MRGPRX1: variants seen among roughly 807,000 people sequenced by gnomAD.
MRGPRX1 encodes mas-related G protein-coupled receptor member X1.
For synonymous variants in MRGPRX1, 208 were observed against 170.4 expected, an observed-to-expected ratio of 1.22 and a Z score of -1.72; for missense variants, 411 against 393.8, an observed-to-expected ratio of 1.04 and a Z score of -0.37.
intron 1 of MRGPRX1, 46 bp downstream of exon 1, chr11:18,939,234 C>CA (rs2133263679): frequency 6.6e-6 from 1 of 151,788 alleles, no homozygotes. Flanking sequence ...GATCTTATAG[C>CA]AAAAACCATG....
At chr11:18,934,998 G>A in intron 1 of MRGPRX1, 189 bp from the exon 2 acceptor site, 2 of 590,456 alleles carry the variant, frequency 3.4e-6, no homozygotes, top group Non-Finnish European at 5.7e-6. Flanking sequence ...TCTGAAGCCT[G>A]ACCTCTCTCT....
At position 18,936,900 on chromosome 11, in the gene MRGPRX1, A is replaced by G. The variant is rs1157156022; in HGVS notation, c.-25-2091T>C. Among the ~76,000 whole-genome samples, 13 of 151,468 alleles carry G rather than the reference A, an allele frequency of 8.6e-5. 1 individual carries two copies. In the Admixed American group the frequency reaches 8.6e-4, roughly 10 times the overall value. On this transcript the variant is annotated intron_variant, in intron 1 of 1. Transcript: ENST00000526914. ...CCCCTGGTCCCTGGAGCCCTGCATG[A>G]GACTTCTGTATGGTTCTCTGCCGCA... is the stretch of plus-strand genomic sequence containing the variant.
Position 18,933,939 on chromosome 11 carries a change from T to C in MRGPRX1, c.846A>G (p.Gln282=), listed in dbSNP as rs755735905. The change falls in exon 2 of 2, where the codon CAA becomes CAG. Residue 282 remains glutamine, a synonymous_variant. Coordinates refer to ENST00000526914, the MANE Select transcript of MRGPRX1 (RefSeq NM_001393578.1). Reference sequence around the variant, plus strand: ...GAACCAGCTTCAGGTTCTGCCTATTTTGACGCTGCCTAAAGGAGCCCACGA... The same window carrying C: ...GAACCAGCTTCAGGTTCTGCCTATTCTGACGCTGCCTAAAGGAGCCCACGA... The part of the protein sequence containing the change: ...YFFVGSFRQR[Q]NRQNLKLVLQ... The C allele has an allele frequency of 8.1e-5, 131 of 1,610,936 alleles. 6 individuals are homozygous for C. The highest frequency in any genetic ancestry group is 2.1e-4 in the African/African-American group (16 of 74,828).
intron 1 of MRGPRX1, among the ~76,000 whole-genome samples, chr11:18,936,641 A>G (rs781457461): frequency 6.6e-6 from 1 of 151,356 alleles, no homozygotes; most frequent in Non-Finnish European, 1.5e-5. Context: ...AGGGCACTAA[A>G]CACATTGTCC....
intron 1 of MRGPRX1, among the ~76,000 whole-genome samples, chr11:18,937,428 A>C (rs1734652593): frequency 6.6e-6 from 1 of 151,446 alleles, no homozygotes; most frequent in South Asian, 2.1e-4. Flanking sequence ...GCACACACCA[A>C]AATCTGCAGA....
rs765221579 is a variant in MRGPRX1 at position 18,933,850 on chromosome 11, A to C, written c.935T>G (p.Ile312Ser). Residue 312 changes from isoleucine (I) to serine (S), a missense_variant, in exon 2 of 2, where the codon ATC (isoleucine) becomes AGC (serine). Physicochemically the swap from Ile to Ser is moderately radical, Grantham distance 142 (BLOSUM62 -2). Coordinates refer to ENST00000526914, the MANE Select transcript of MRGPRX1 (RefSeq NM_001393578.1). Reference sequence around the variant, plus strand: ...CAATCTGCTTCCCGACAGCTCCAGGATTTCCTCAGGAAGCTGCCCTCCACC... The same window carrying C: ...CAATCTGCTTCCCGACAGCTCCAGGCTTTCCTCAGGAAGCTGCCCTCCACC... ...DEGGGQLPEE[I>S]LELSGSRLEQ The C allele has an allele frequency of 5.6e-6, 9 of 1,609,588 alleles. No individual in the cohort carries two copies. The highest frequency in any genetic ancestry group is 1.7e-5 in the Admixed American group (1 of 59,018).
At chr11:18,939,037 G>A (rs1263227720) in intron 1 of MRGPRX1, among the ~76,000 whole-genome samples, 1 of 151,498 alleles carries the variant, frequency 6.6e-6, no homozygotes, top group Admixed American at 6.6e-5. Context: ...TCTCTAAGAG[G>A]ACAGGTTCAG....
At position 18,933,558 on chromosome 11, in the gene MRGPRX1, T is replaced by A. The variant is rs932588836; in HGVS notation, c.*258A>T. Among the ~76,000 whole-genome samples, 1 of 151,502 alleles carries A rather than the reference T, an allele frequency of 6.6e-6. No homozygotes were observed. The highest frequency in any genetic ancestry group is 2.4e-5 in the African/African-American group (1 of 41,312). On this transcript the variant is annotated 3_prime_UTR_variant, in exon 2 of 2. Coordinates refer to ENST00000526914, the MANE Select transcript of MRGPRX1 (RefSeq NM_001393578.1). The stretch of plus-strand genomic sequence containing the variant: ...AAAGAAAATTGCAGAAAAAGTGTTC[T>A]GTAGGAAAGATTCAGTGTGAGATAA...
chr11:18,933,747 A>G lies in MRGPRX1; in HGVS notation c.*69T>C. On this transcript the variant is annotated 3_prime_UTR_variant, in exon 2 of 2. Transcript: ENST00000526914. ...TGAGGCAGAAGGCTAAGAAAAACGCATATAATTGTCAAGGGTGGCAGGGCA... is the reference window on the plus strand; with the variant it reads ...TGAGGCAGAAGGCTAAGAAAAACGCGTATAATTGTCAAGGGTGGCAGGGCA... The G allele has an allele frequency of 6.6e-7, 1 of 1,525,036 alleles. No homozygotes were observed. The highest frequency in any genetic ancestry group is 1.3e-5 in the South Asian group (1 of 75,200). The allele number at this position is 1,525,036 out of a possible 1,614,324, so 94.5% of individuals were successfully genotyped here.
Position 18,934,087 on chromosome 11 carries a change from C to G in MRGPRX1, c.698G>C (p.Gly233Ala). Reference sequence around the variant, plus strand: ...CCATAAAAATAGGAAAAACTGAATGCCAAAGGGCAGGCCACAGAGGAGGAA... The same window carrying G: ...CCATAAAAATAGGAAAAACTGAATGGCAAAGGGCAGGCCACAGAGGAGGAA... ...LVFLLCGLPFGIQFFLFLWIH... is the reference protein window; with the variant it reads ...LVFLLCGLPFAIQFFLFLWIH... Residue 233 changes from glycine to alanine, a missense_variant, in exon 2 of 2, where the codon GGC becomes GCC. Physicochemically the swap from Gly to Ala is moderately conservative, Grantham distance 60. Transcript: ENST00000526914. 1.2e-6 allele frequency: 2 copies of G among 1,610,908 alleles called. No homozygotes were observed. Among genetic ancestry groups the G allele is most frequent in the African/African-American group, 1.3e-5 (1 of 74,838 alleles).
At chr11:18,936,089 G>A (rs1848838379) in intron 1 of MRGPRX1, among the ~76,000 whole-genome samples, 1 of 151,404 alleles carries the variant, frequency 6.6e-6, no homozygotes, top group Non-Finnish European at 1.5e-5. Flanking sequence ...CCATATGTCA[G>A]ATAATGCATT....
intron 1 of MRGPRX1, among the ~76,000 whole-genome samples, chr11:18,936,619 T>C (rs780032259): frequency 2.6e-5 from 4 of 151,282 alleles, no homozygotes; most frequent in Non-Finnish European, 4.4e-5. Context: ...AGAACCTCTG[T>C]TATCCACAGG....
intron 1 of MRGPRX1, among the ~76,000 whole-genome samples, chr11:18,936,457 A>C (rs1164205705): frequency 6.6e-6 from 1 of 151,324 alleles, no homozygotes; most frequent in African/African-American, 2.4e-5. Flanking sequence ...CCGAGAATGC[A>C]CAGGGACAGG....
intron 1 of MRGPRX1, among the ~76,000 whole-genome samples, chr11:18,936,955 A>C (rs1329870645): frequency 6.6e-6 from 1 of 151,442 alleles, no homozygotes; most frequent in African/African-American, 2.4e-5. Context: ...AGTTCCTGAA[A>C]AATCTTGATG....
Position 18,933,722 on chromosome 11 carries a change from T to C in MRGPRX1, c.*94A>G, listed in dbSNP as rs1848809024. On this transcript the variant is annotated 3_prime_UTR_variant, in exon 2 of 2. Transcript: ENST00000526914. Reference sequence around the variant, plus strand: ...CCTTGAGGAACCACTGAGACATTTCTGAGGCAGAAGGCTAAGAAAAACGCA... The same window carrying C: ...CCTTGAGGAACCACTGAGACATTTCCGAGGCAGAAGGCTAAGAAAAACGCA... 1 of 1,504,686 alleles carries C rather than the reference T, an allele frequency of 6.6e-7. No homozygotes were observed. The allele number at this position is 1,504,686 out of a possible 1,614,324, so 93.2% of individuals were successfully genotyped here.
In MRGPRX1 at chr11:18,933,697, C is replaced by A. The variant is rs1012506410; in HGVS notation, c.*119G>T. 4 of 1,473,438 alleles carry A rather than the reference C, an allele frequency of 2.7e-6. No homozygotes were observed. Among genetic ancestry groups the A allele is most frequent in the African/African-American group, 1.4e-5 (1 of 70,882 alleles). The allele number at this position is 1,473,438 out of a possible 1,614,324, so 91.3% of individuals were successfully genotyped here. On this transcript the variant is annotated 3_prime_UTR_variant, in exon 2 of 2. Transcript: ENST00000526914. ...GGTTAGATAAACATCTATTTGAAGA[C>A]CTTGAGGAACCACTGAGACATTTCT...
chr11:18,938,161 G>T (rs186453041), intron 1 of MRGPRX1, among the ~76,000 whole-genome samples: 1 of 151,668 alleles, frequency 6.6e-6, no homozygotes, highest in African/African-American at 2.4e-5. Context: ...CAGCAGGAGA[G>T]CCACTTGGGA....
intron 1 of MRGPRX1, 122 bp from the exon 2 acceptor site, chr11:18,934,931 TCA>T (rs1171798813): frequency 8.6e-7 from 1 of 1,159,024 alleles, no homozygotes; most frequent in African/African-American, 1.5e-5. Flanking sequence ...AGAGAATAAG[TCA>T]CCTATCAAAA....
At chr11:18,935,685 C>G (rs1259623110) in intron 1 of MRGPRX1, among the ~76,000 whole-genome samples, 1 of 151,378 alleles carries the variant, frequency 6.6e-6, no homozygotes, top group Non-Finnish European at 1.5e-5. Flanking sequence ...GGGTGTGGGT[C>G]TGAGCTGAAT....
Sources: gnomAD v4.1 joint callset for allele counts (sites outside exome capture counted in the v4.1 genomes callset) on GRCh38, gnomAD v4.1.1 for gene constraint, MANE v1.5 for transcripts, NCBI Gene and HGNC (gene_info 2026-07-23, HGNC 2026-07-21) for gene names.